CCDC150: variants seen among roughly 807,000 people sequenced by gnomAD.
CCDC150 encodes coiled-coil domain-containing protein 150.
Under a neutral mutation model 156.5 loss-of-function variants are expected in CCDC150, and 151 were observed. That is an observed-to-expected ratio of 0.97 (90% CI 0.85 to 1.10). The LOEUF (loss-of-function observed/expected upper bound fraction) is 1.10. Ranked by LOEUF, CCDC150 falls within the 50% of genes least tolerant of loss-of-function variation. The pLI, the probability that CCDC150 is intolerant of heterozygous loss-of-function variation, is 0.00. For synonymous variants in CCDC150, 452 were observed against 429.4 expected (o/e 1.05, Z -0.65); for missense variants, 1,312 against 1,268.1 (o/e 1.03, Z -0.53).
intron 16 of CCDC150, 26 bp downstream of exon 16, chr2:196,712,278 A>G (rs1266636472): frequency 8.1e-7 from 1 of 1,231,590 alleles, no homozygotes; most frequent in East Asian, 2.5e-5. Context: ...ACAAAAGCGG[A>G]TTGCTGCTAT....
chr2:196,720,456 A>T lies in CCDC150; in HGVS notation c.2166-119A>T, dbSNP rs1008516496. On this transcript the variant is annotated intron_variant, in intron 19 of 27. Coordinates refer to ENST00000389175, the MANE Select transcript of CCDC150 (RefSeq NM_001080539.2). ...TTTGTACTAGTGATATTTACTAGTGATATATAAGTATGATGCTATTTGAGC... is the reference window on the plus strand; with the variant it reads ...TTTGTACTAGTGATATTTACTAGTGTTATATAAGTATGATGCTATTTGAGC... 8.7e-6 allele frequency: 6 copies of T among 691,964 alleles called. No homozygotes were observed. The Admixed American group carries it at 1.5e-4, about 17-fold the overall frequency. 42.9% of individuals were successfully genotyped at this position (691,964 alleles called of 1,614,324 possible).
Position 196,719,487 on chromosome 2 carries a change from T to G in CCDC150, c.1996-10T>G. On this transcript the variant is annotated splice_polypyrimidine_tract_variant and intron_variant, in intron 18 of 27. Transcript: ENST00000389175. ...ATCAAATGTCTTTGTGTTGTTTCAT[T>G]TTCTGTTAGGTGGGAAACTTTCAGC... 1 of 1,604,930 alleles carries G rather than the reference T, an allele frequency of 6.2e-7. No individual in the cohort carries two copies.
At chr2:196,703,107 T>C (rs1696351092) in intron 15 of CCDC150, among the ~76,000 whole-genome samples, 1 of 152,208 alleles carries the variant, frequency 6.6e-6, no homozygotes, top group South Asian at 2.1e-4. Context: ...AGCAGTTAAA[T>C]TGCAGCATGA....
intron 13 of CCDC150, among the ~76,000 whole-genome samples, chr2:196,693,486 T>C (rs1410619311): frequency 1.3e-5 from 2 of 152,224 alleles, no homozygotes; most frequent in Non-Finnish European, 2.9e-5. Context: ...AGAAATACAA[T>C]AGATTTGCCC....
At chr2:196,723,697 G>C (rs760176712) in intron 21 of CCDC150, among the ~76,000 whole-genome samples, 3 of 152,158 alleles carry the variant, frequency 2.0e-5, no homozygotes, top group Non-Finnish European at 4.4e-5. Context: ...AGTATCACCA[G>C]AGTCAAACAC....
Position 196,657,071 on chromosome 2 carries a change from G to T in CCDC150, c.511G>T (p.Glu171Ter). 1 of 1,613,856 alleles carries T rather than the reference G, an allele frequency of 6.2e-7. No individual in the cohort carries two copies. Among genetic ancestry groups the T allele is most frequent in the Non-Finnish European group, 8.5e-7 (1 of 1,179,790 alleles). Residue 171 changes from glutamate (E) to a stop codon, truncating the protein, a stop_gained, in exon 4 of 28, where the codon GAA (glutamate) becomes TAA (stop). Transcript: ENST00000389175. LOFTEE classifies it high-confidence loss of function. ...RQQLRAVKEE[E>*]DKAQDEVQRL... ...GCAACTGAGAGCTGTAAAAGAGGAA[G>T]AAGACAAGGCACAAGATGAGGTGCA...
intron 2 of CCDC150, among the ~76,000 whole-genome samples, chr2:196,652,710 C>T (rs1055561339): frequency 2.0e-5 from 3 of 152,218 alleles, no homozygotes; most frequent in Admixed American, 2.0e-4. Context: ...TGTGGGGACT[C>T]CAGTCCCACA....
chr2:196,697,323 T>C (rs575022552), intron 14 of CCDC150, among the ~76,000 whole-genome samples: 4 of 152,304 alleles, frequency 2.6e-5, no homozygotes, highest in South Asian at 4.1e-4. Flanking sequence ...TGTTGTTTTT[T>C]GCCATTTTAG....
chr2:196,673,091 G>A (rs190143416), intron 9 of CCDC150, among the ~76,000 whole-genome samples: 24 of 152,186 alleles, frequency 1.6e-4, no homozygotes, highest in African/African-American at 5.3e-4. Context: ...AGTATAAAAT[G>A]AATGTGTTTT....
At chr2:196,668,295 TAAAAAAAAAAA>T (rs55945331) in intron 7 of CCDC150, among the ~76,000 whole-genome samples, 2 of 92,250 alleles carry the variant, frequency 2.2e-5, no homozygotes, top group Admixed American at 1.3e-4. Flanking sequence ...AAACTCCATC[TAAAAAAAAAAA>T]AAAAAAAAAA....
chr2:196,724,138 G>A (rs188859260), intron 21 of CCDC150, among the ~76,000 whole-genome samples: 2 of 152,136 alleles, frequency 1.3e-5, no homozygotes, highest in Non-Finnish European at 2.9e-5. Flanking sequence ...GATGGTCTGC[G>A]ATTTTCCTTA....
chr2:196,642,976 CA>C (rs1389534304), intron 1 of CCDC150, among the ~76,000 whole-genome samples: 1 of 152,142 alleles, frequency 6.6e-6, no homozygotes, highest in Non-Finnish European at 1.5e-5. Context: ...CTCCTGGCCT[CA>C]AGTGATCCTC....
intron 9 of CCDC150, 139 bp downstream of exon 9, chr2:196,672,576 T>G: frequency 2.0e-6 from 1 of 491,914 alleles, no homozygotes; most frequent in Non-Finnish European, 3.6e-6. Flanking sequence ...AAGATTTATT[T>G]CATCTTTGAA....
At chr2:196,687,946 C>A (rs1269602069) in intron 13 of CCDC150, among the ~76,000 whole-genome samples, 1 of 152,092 alleles carries the variant, frequency 6.6e-6, no homozygotes, top group African/African-American at 2.4e-5. Context: ...CTATTCTGTT[C>A]CATTGGTCTA....
chr2:196,677,096 C>A (rs760724881), intron 12 of CCDC150, 197 bp from the exon 13 acceptor site: 1 of 697,910 alleles, frequency 1.4e-6, no homozygotes, highest in Admixed American at 2.0e-5. Flanking sequence ...GACATGCAGA[C>A]GTGTCTTTCT....
chr2:196,639,804 T>C (rs1371674630), intron 1 of CCDC150, 26 bp downstream of exon 1: 1 of 1,572,140 alleles, frequency 6.4e-7, no homozygotes, highest in Non-Finnish European at 8.7e-7. Context: ...CCCGGGCTGG[T>C]GAGGGGTGGT....
rs28723611 is a variant in CCDC150, at chr2:196,674,284, G to A, written c.1073G>A (p.Cys358Tyr). Reference sequence around the variant, plus strand: ...ACTAAAAAGTGTTCAGAGTTGAGCTGCATGCTTCAGACTGTTACTATGGAA... The same window carrying A: ...ACTAAAAAGTGTTCAGAGTTGAGCTACATGCTTCAGACTGTTACTATGGAA... ...QLTKKCSELSCMLQTVTMEKA... is the reference protein window; with the variant it reads ...QLTKKCSELSYMLQTVTMEKA... The change falls in exon 10 of 28, where the codon TGC (cysteine) becomes TAC (tyrosine). Residue 358 changes from cysteine to tyrosine, a missense_variant. Physicochemically the swap from Cys to Tyr is radical, Grantham distance 194. Coordinates refer to ENST00000389175, the MANE Select transcript of CCDC150 (RefSeq NM_001080539.2). 0.012 allele frequency: 19,516 copies of A among 1,603,562 alleles called. 1,935 individuals carry two copies. In the African/African-American group the frequency reaches 0.22, roughly 18 times the overall value.
chr2:196,703,691 G>C (rs1376642524), intron 15 of CCDC150, among the ~76,000 whole-genome samples: 1 of 151,902 alleles, frequency 6.6e-6, no homozygotes, highest in Non-Finnish European at 1.5e-5. Context: ...AAATATATAA[G>C]ACAAATCCCA....
At chr2:196,723,030 G>A (rs1035188940) in intron 21 of CCDC150, among the ~76,000 whole-genome samples, 1 of 152,146 alleles carries the variant, frequency 6.6e-6, no homozygotes, top group Non-Finnish European at 1.5e-5. Flanking sequence ...TTCTTTACTT[G>A]AGATCTTTGA....
Sources: allele counts gnomAD v4.1 joint callset (sites outside exome capture counted in the v4.1 genomes callset), GRCh38; gene constraint gnomAD v4.1.1; transcripts MANE v1.5; gene names NCBI Gene and HGNC (gene_info 2026-07-23, HGNC 2026-07-21).